Variants in CPEB2 observed in about 807,000 individuals in gnomAD.
CPEB2 encodes cytoplasmic polyadenylation element-binding protein 2.
CPEB2 carries 56 observed loss-of-function variants against 93.6 expected under a neutral mutation model. The observed-to-expected ratio is 0.60, with a 90% CI of 0.48 to 0.75. The LOEUF (loss-of-function observed/expected upper bound fraction) is 0.75, where lower values mean the gene tolerates loss of function less well. Among genes scored for constraint, CPEB2 ranks in the 30% least tolerant of loss-of-function variants. The probability of loss-of-function intolerance (pLI) is 0.00; values close to 1 mark genes in which losing one functional copy is unlikely to be tolerated. For missense variants in CPEB2, 1,579 were observed against 1,395.1 expected (o/e 1.13, Z -2.10); for synonymous variants, 764 against 586.3 (o/e 1.30, Z -4.38).
chr4:15,046,489 G>A (rs1727717088), intron 6 of CPEB2, among the ~76,000 whole-genome samples: 1 of 152,188 alleles, frequency 6.6e-6, no homozygotes, highest in Non-Finnish European at 1.5e-5. Flanking sequence ...GCCTCCCAAA[G>A]TGCTGGGATT....
At chr4:15,023,038 C>A (rs1255310520) in intron 4 of CPEB2, among the ~76,000 whole-genome samples, 2 of 151,868 alleles carry the variant, frequency 1.3e-5, no homozygotes, top group East Asian at 3.9e-4. Flanking sequence ...TAAATTATGA[C>A]AGACTGAAAT....
At chr4:15,035,827 C>T (rs982028542) in intron 5 of CPEB2, among the ~76,000 whole-genome samples, 1 of 152,124 alleles carries the variant, frequency 6.6e-6, no homozygotes, top group African/African-American at 2.4e-5. Flanking sequence ...CACAGATACA[C>T]ATTAAAATAA....
Position 15,066,239 on chromosome 4 carries a change from T to C in CPEB2, c.2964T>C (p.Phe988=). 1 of 1,613,622 alleles carries C rather than the reference T, an allele frequency of 6.2e-7. No individual in the cohort carries two copies. ...GTGGTGGAAAATTTGCTCCCTTTTT[T>C]TGTGCCAATGTCACTTGCCTGCAGT... ...ARCGGKFAPF[F]CANVTCLQYY... Residue 988 remains phenylalanine, a synonymous_variant, in exon 12 of 12, where the codon TTT becomes TTC. Coordinates refer to ENST00000538197, the MANE Select transcript of CPEB2 (RefSeq NM_001177382.2).
chr4:15,004,484 G>A, intron 1 of CPEB2, 149 bp downstream of exon 1: 1 of 579,888 alleles, frequency 1.7e-6, no homozygotes. Context: ...GGAACTGAGG[G>A]CGGACAACCG....
At position 15,003,723 on chromosome 4, in the gene CPEB2, G is replaced by GGCGGC. The variant is rs1560206685; in HGVS notation, c.1051_1052insCGGCG (p.Gly351AlafsTer109). On this transcript the variant is annotated frameshift_variant, in exon 1 of 12. Coordinates refer to ENST00000538197, the MANE Select transcript of CPEB2 (RefSeq NM_001177382.2). LOFTEE classifies it high-confidence loss of function. ...TGCAGAGCCCGGACCTTCCACACCC[G>GGCGGC]GGCGGCGGCGGCGGCGGCGGGGGCG... 6 of 1,305,700 alleles carry GGCGGC rather than the reference G, an allele frequency of 4.6e-6. No individual in the cohort carries two copies. The East Asian group carries it at 9.7e-5, about 21-fold the overall frequency. The allele number at this position is 1,305,700 out of a possible 1,614,324, so 80.9% of individuals were successfully genotyped here. A position where few individuals can be genotyped will look rare whatever the true frequency, so the allele number is the denominator to read the frequency against.
In CPEB2 at chr4:15,003,039, C is replaced by T. The variant is rs756416749; in HGVS notation, c.366C>T (p.His122=). ...CCACGGAGAAACTCCCCGACCACCACCCCGGCGGCGGCACGATCGCGGGTG... is the reference window on the plus strand; with the variant it reads ...CCACGGAGAAACTCCCCGACCACCATCCCGGCGGCGGCACGATCGCGGGTG... ...AAATEKLPDH[H]PGGGTIAGVT... is the part of the protein sequence containing the mutation. Residue 122 remains histidine, a synonymous_variant, in exon 1 of 12, where the codon CAC becomes CAT. Transcript: ENST00000538197. 7.9e-5 allele frequency: 120 copies of T among 1,511,650 alleles called. 1 individual carries two copies. The South Asian group carries it at 1.4e-3, about 18-fold the overall frequency. The allele number at this position is 1,511,650 out of a possible 1,614,324, so 93.6% of individuals were successfully genotyped here. A position where few individuals can be genotyped will look rare whatever the true frequency, so the allele number is the denominator to read the frequency against.
intron 1 of CPEB2, chr4:15,006,372 A>G (rs1368716859): frequency 6.6e-6 from 1 of 152,136 alleles, no homozygotes; most frequent in Non-Finnish European, 1.5e-5. Flanking sequence ...CCAAAGTATT[A>G]AAGTATAAAC....
In CPEB2 at chr4:15,054,189, A is replaced by T; in HGVS notation, c.2433A>T (p.Ala811=). The part of the protein sequence containing the change: ...GPLVVDWPHK[A]ESKSYFPPKG... The stretch of plus-strand genomic sequence containing the variant: ...TGGTAGTAGATTGGCCTCATAAAGC[A>T]GAAAGCAAGTCCTATTTTCCACCAA... Residue 811 remains alanine, a synonymous_variant, in exon 8 of 12, where the codon GCA becomes GCT. Coordinates refer to ENST00000538197, the MANE Select transcript of CPEB2 (RefSeq NM_001177382.2). 6.2e-7 allele frequency: 1 copy of T among 1,611,064 alleles called. No homozygotes were observed. The highest frequency in any genetic ancestry group is 8.5e-7 in the Non-Finnish European group (1 of 1,178,738).
chr4:15,054,351 C>A, intron 8 of CPEB2, 134 bp downstream of exon 8: 2 of 675,446 alleles, frequency 3.0e-6, no homozygotes, highest in Non-Finnish European at 2.6e-6. Context: ...CTCAGATCAA[C>A]AAATGTTTGA....
At chr4:15,034,807 T>C (rs1459047831) in intron 5 of CPEB2, among the ~76,000 whole-genome samples, 3 of 152,172 alleles carry the variant, frequency 2.0e-5, no homozygotes, top group Non-Finnish European at 4.4e-5. Flanking sequence ...AAGTCTTGAA[T>C]ATTAGGGATT....
chr4:15,057,484 A>G (rs1198155881), intron 8 of CPEB2, among the ~76,000 whole-genome samples: 1 of 152,166 alleles, frequency 6.6e-6, no homozygotes, highest in African/African-American at 2.4e-5. Flanking sequence ...TCTGCTTTGT[A>G]CTGGGACTAG....
At chr4:15,031,220 T>C (rs1052998457) in intron 4 of CPEB2, among the ~76,000 whole-genome samples, 5 of 152,126 alleles carry the variant, frequency 3.3e-5, no homozygotes, top group Non-Finnish European at 5.9e-5. Flanking sequence ...TATCGTAGAT[T>C]TAATTAACTT....
chr4:15,020,300 C>G lies in CPEB2; in HGVS notation c.2125+3022C>G, dbSNP rs577327905. Among the ~76,000 whole-genome samples, 4 of 152,184 alleles carry G rather than the reference C, an allele frequency of 2.6e-5. 1 individual carries two copies. Among genetic ancestry groups the G allele is most frequent in the African/African-American group, 9.6e-5 (4 of 41,518 alleles). ...AAGAGATGTGAATACTAGAGGCTGG[C>G]TACCACAGAGGTAAAAGGCAGAGTG... On this transcript the variant is annotated intron_variant, in intron 4 of 11. Coordinates refer to ENST00000538197, the MANE Select transcript of CPEB2 (RefSeq NM_001177382.2).
chr4:15,054,036 T>C (rs1378349703), intron 7 of CPEB2, 92 bp from the exon 8 acceptor site: 23 of 796,564 alleles, frequency 2.9e-5, no homozygotes, highest in Non-Finnish European at 4.5e-5. Context: ...TTTGGCACTT[T>C]TAAATGTTAA....
rs892689783 is a variant in CPEB2, at chr4:15,003,654, C to T, written c.981C>T (p.Asn327=). ...PNHPLLNSPS[N]LLPGGALGAG... ...ACCCTCTGCTCAACAGTCCCAGTAA[C>T]CTCCTGCCCGGAGGTGCGCTTGGCG... The change falls in exon 1 of 12, where the codon AAC becomes AAT. Residue 327 remains asparagine, a synonymous_variant. Transcript: ENST00000538197. 11 of 1,476,244 alleles carry T rather than the reference C, an allele frequency of 7.5e-6. No homozygotes were observed. Among genetic ancestry groups the T allele is most frequent in the African/African-American group, 2.9e-5 (2 of 68,460 alleles). 91.4% of individuals were successfully genotyped at this position (1,476,244 alleles called of 1,614,324 possible).
intron 4 of CPEB2, among the ~76,000 whole-genome samples, chr4:15,029,888 A>G (rs1349322083): frequency 6.6e-6 from 1 of 152,132 alleles, no homozygotes; most frequent in South Asian, 2.1e-4. Flanking sequence ...CCTTTTAAGG[A>G]TACAGTACTT....
intron 6 of CPEB2, among the ~76,000 whole-genome samples, chr4:15,049,303 CAACTT>C (rs750949622): frequency 7.3e-5 from 11 of 151,442 alleles, no homozygotes; most frequent in Admixed American, 2.0e-4. Context: ...TATTTTTTCT[CAACTT>C]AAATGTCTGT....
At chr4:15,062,509 C>G (rs79713865) in intron 11 of CPEB2, among the ~76,000 whole-genome samples, 3,226 of 152,080 alleles carry the variant, frequency 0.021, 100 homozygotes, top group African/African-American at 0.075. Flanking sequence ...CCAGTAAGGT[C>G]AAATATTCTA....
intron 6 of CPEB2, among the ~76,000 whole-genome samples, chr4:15,047,099 G>T (rs1033633313): frequency 1.3e-5 from 2 of 152,112 alleles, no homozygotes; most frequent in Non-Finnish European, 2.9e-5. Context: ...TACATGTATA[G>T]GCCCATTTCT....
Sources: gnomAD v4.1 joint callset for allele counts (sites outside exome capture counted in the v4.1 genomes callset) on GRCh38, gnomAD v4.1.1 for gene constraint, MANE v1.5 for transcripts, NCBI Gene and HGNC (gene_info 2026-07-23, HGNC 2026-07-21) for gene names.